Variants in CDC42BPA observed in about 807,000 individuals in gnomAD.
The protein encoded by CDC42BPA is serine/threonine-protein kinase MRCK alpha.
In CDC42BPA, 80 loss-of-function variants were observed where a neutral mutation model predicts 223.5. That is an observed-to-expected ratio of 0.36 (90% confidence interval 0.30 to 0.43). CDC42BPA has a LOEUF of 0.43. Ranked by LOEUF, CDC42BPA falls within the 20% of genes least tolerant of loss-of-function variation. The probability of loss-of-function intolerance (pLI) is 1.00; values close to 1 mark genes in which losing one functional copy is unlikely to be tolerated. For missense variants in CDC42BPA, 1,743 were observed against 2,099.9 expected (o/e 0.83, Z 3.32); for synonymous variants, 694 against 718.6 (o/e 0.97, Z 0.55).
chr1:227,185,599 G>A (rs1007075272), intron 5 of CDC42BPA, among the ~76,000 whole-genome samples: 2 of 152,162 alleles, frequency 1.3e-5, no homozygotes, highest in Non-Finnish European at 2.9e-5. Flanking sequence ...CAGTATAGCT[G>A]GTTGATACTA....
chr1:227,046,673 C>T (rs7529970), intron 23 of CDC42BPA, among the ~76,000 whole-genome samples: 30,300 of 152,072 alleles, frequency 0.2, 3,128 homozygotes, highest in Middle Eastern at 0.25. Flanking sequence ...ACTCTTGCCT[C>T]TCAAAGTACT....
chr1:227,223,592 T>C (rs1374899581), intron 2 of CDC42BPA, among the ~76,000 whole-genome samples: 2 of 152,148 alleles, frequency 1.3e-5, no homozygotes, highest in Non-Finnish European at 2.9e-5. Context: ...CAGTGACTGG[T>C]GAGATATGGA....
chr1:227,306,470 C>T (rs1692569115), intron 1 of CDC42BPA, among the ~76,000 whole-genome samples: 1 of 152,146 alleles, frequency 6.6e-6, no homozygotes, highest in African/African-American at 2.4e-5. Flanking sequence ...CAACATAACA[C>T]AGCAAAGGAC....
At chr1:227,165,686 C>A (rs1299249025) in intron 5 of CDC42BPA, among the ~76,000 whole-genome samples, 4 of 152,112 alleles carry the variant, frequency 2.6e-5, no homozygotes, top group Non-Finnish European at 5.9e-5. Flanking sequence ...CAGCTAAATC[C>A]TCCACTAGCA....
intron 1 of CDC42BPA, among the ~76,000 whole-genome samples, chr1:227,283,917 G>A (rs1688401707): frequency 6.6e-6 from 1 of 152,134 alleles, no homozygotes; most frequent in South Asian, 2.1e-4. Flanking sequence ...AATTAGCTGG[G>A]CATGGTGGCG....
intron 32 of CDC42BPA, among the ~76,000 whole-genome samples, chr1:227,022,798 C>T (rs1019627206): frequency 6.6e-6 from 1 of 152,170 alleles, no homozygotes; most frequent in African/African-American, 2.4e-5. Flanking sequence ...CCAGGCACTC[C>T]CATGACTCTC....
intron 17 of CDC42BPA, among the ~76,000 whole-genome samples, chr1:227,078,032 C>T (rs1459639495): frequency 1.3e-5 from 2 of 152,154 alleles, no homozygotes; most frequent in African/African-American, 4.8e-5. Flanking sequence ...AAAACCTTCT[C>T]CATCTTACAA....
intron 5 of CDC42BPA, among the ~76,000 whole-genome samples, chr1:227,175,587 G>A (rs1430711395): frequency 6.6e-6 from 1 of 152,086 alleles, no homozygotes; most frequent in African/African-American, 2.4e-5. Context: ...GGTACATTAT[G>A]CACTCATTAA....
chr1:227,047,779 G>C, intron 23 of CDC42BPA, 148 bp downstream of exon 23: 2 of 534,148 alleles, frequency 3.7e-6, no homozygotes, highest in South Asian at 4.9e-5. Flanking sequence ...TCCTATTGGT[G>C]ATTATTTGCA....
rs554386212 is a variant in CDC42BPA at position 227,119,709 on chromosome 1, G to C, written c.1647+95C>G. On this transcript the variant is annotated intron_variant, in intron 12 of 36. Coordinates refer to ENST00000366766, the MANE Select transcript of CDC42BPA (RefSeq NM_001394014.1). ...CTTTTAAGAAGATAAAATATACTATGTATTATTGTAATTCATTATGAATGC... is the reference window on the plus strand; with the variant it reads ...CTTTTAAGAAGATAAAATATACTATCTATTATTGTAATTCATTATGAATGC... 6 of 828,354 alleles carry C rather than the reference G, an allele frequency of 7.2e-6. No homozygotes were observed. The East Asian group carries it at 1.5e-4, about 21-fold the overall frequency. 51.3% of individuals were successfully genotyped at this position (828,354 alleles called of 1,614,324 possible). A position where few individuals can be genotyped will look rare whatever the true frequency, so the allele number is the denominator to read the frequency against.
chr1:227,034,712 A>G lies in CDC42BPA; in HGVS notation c.3419T>C (p.Ile1140Thr), dbSNP rs1232417517. 6.2e-7 allele frequency: 1 copy of G among 1,613,826 alleles called. No individual in the cohort carries two copies. The highest frequency in any genetic ancestry group is 8.5e-7 in the Non-Finnish European group (1 of 1,179,800). ...VCDFKLFLYD[I>T]AEGKASQPSV... ...GGGCTGAGATGCTTTTCCTTCAGCA[A>G]TATCGTACAGAAAGAGTTTGAAGTC... Residue 1140 changes from isoleucine to threonine, a missense_variant, in exon 26 of 37, where the codon ATT becomes ACT. Physicochemically the swap from Ile to Thr is moderately conservative, Grantham distance 89. Transcript: ENST00000366766.
chr1:226,997,005 T>C lies in CDC42BPA; in HGVS notation c.4976-2025A>G, dbSNP rs191431028. ...TTAGGGAGGAGTCCCTCTTTTTCTATTGTTTGGAATAGTTTCAGAAGGAAT... is the reference window on the plus strand; with the variant it reads ...TTAGGGAGGAGTCCCTCTTTTTCTACTGTTTGGAATAGTTTCAGAAGGAAT... On this transcript the variant is annotated intron_variant, in intron 35 of 36. Coordinates refer to ENST00000366766, the MANE Select transcript of CDC42BPA (RefSeq NM_001394014.1). Among the ~76,000 whole-genome samples the C allele has an allele frequency of 4.6e-5, 7 of 152,348 alleles. No homozygotes were observed. In the East Asian group the frequency reaches 9.6e-4, roughly 21 times the overall value.
intron 28 of CDC42BPA, 108 bp downstream of exon 28, chr1:227,031,190 A>T: frequency 1.3e-6 from 1 of 777,572 alleles, no homozygotes; most frequent in Non-Finnish European, 2.2e-6. Flanking sequence ...TTATGATATG[A>T]TGCACAGTAT....
intron 2 of CDC42BPA, among the ~76,000 whole-genome samples, chr1:227,250,524 G>T (rs1681789986): frequency 6.6e-6 from 1 of 151,740 alleles, no homozygotes; most frequent in Non-Finnish European, 1.5e-5. Context: ...AGAATGCTAT[G>T]GTCAAATGGC....
At chr1:227,228,477 T>C (rs1677240941) in intron 2 of CDC42BPA, among the ~76,000 whole-genome samples, 1 of 152,206 alleles carries the variant, frequency 6.6e-6, no homozygotes, top group Non-Finnish European at 1.5e-5. Context: ...TGATTAAGGG[T>C]GCTATGAACA....
At position 227,091,893 on chromosome 1, in the gene CDC42BPA, A is replaced by G. The variant is rs1235296945; in HGVS notation, c.2348T>C (p.Leu783Pro). ...TEENKKLTSE[L>P]DKLTTLYENL... The stretch of plus-strand genomic sequence containing the variant: ...TGAGATTAAATCACTCACCTTATCA[A>G]GTTCACTCGTCAGCTTTTTATTTTC... Residue 783 changes from leucine (L) to proline (P), a missense_variant, in exon 16 of 37, where the codon CTT becomes CCT. Around this residue, in one of 6 missense-constraint regions of CDC42BPA, gnomAD observed 464 missense variants for 488.0 expected, o/e 0.95. Coordinates refer to ENST00000366766, the MANE Select transcript of CDC42BPA (RefSeq NM_001394014.1). 4 of 1,576,016 alleles carry G rather than the reference A, an allele frequency of 2.5e-6. No homozygotes were observed. Among genetic ancestry groups the G allele is most frequent in the Non-Finnish European group, 3.5e-6 (4 of 1,150,132 alleles).
chr1:227,035,654 A>C, intron 24 of CDC42BPA, 47 bp from the exon 25 acceptor site: 1 of 1,496,956 alleles, frequency 6.7e-7, no homozygotes, highest in East Asian at 2.4e-5. Flanking sequence ...CATTTTAACA[A>C]AAAGAAAATT....
intron 21 of CDC42BPA, among the ~76,000 whole-genome samples, chr1:227,057,243 A>G (rs758903441): frequency 6.6e-6 from 1 of 152,146 alleles, no homozygotes; most frequent in Non-Finnish European, 1.5e-5. Flanking sequence ...TTCTTCTACT[A>G]TACTTAATAC....
At chr1:227,052,898 G>A (rs755559648) in intron 21 of CDC42BPA, among the ~76,000 whole-genome samples, 2 of 152,174 alleles carry the variant, frequency 1.3e-5, no homozygotes, top group Non-Finnish European at 1.5e-5. Context: ...GTGCAGTTGA[G>A]ACTGCTGGCA....
Sources: gnomAD v4.1 joint callset for allele counts (sites outside exome capture counted in the v4.1 genomes callset) on GRCh38, gnomAD v4.1.1 for gene constraint, gnomAD v4.1.1 regional missense constraint, MANE v1.5 for transcripts, NCBI Gene and HGNC (gene_info 2026-07-23, HGNC 2026-07-21) for gene names.